The following ZYG11B variants were observed in gnomAD, a reference collection of about 807,000 sequenced individuals.
The protein encoded by ZYG11B is zyg-11 family member B, cell cycle regulator.
Under a neutral mutation model 82.4 loss-of-function variants are expected in ZYG11B, and 36 were observed. The ratio of observed to expected loss-of-function variants is 0.44; its 90% CI spans 0.33 to 0.58. The LOEUF is 0.58. ZYG11B is among the 20% of genes least tolerant of loss of function. The pLI, the probability that ZYG11B is intolerant of heterozygous loss-of-function variation, is 0.02. For synonymous variants in ZYG11B, 303 were observed against 312.8 expected (o/e 0.97, Z 0.33); for missense variants, 552 against 895.6 (o/e 0.62, Z 4.90).
At chr1:52,786,503 C>T (rs918657515) in intron 5 of ZYG11B, among the ~76,000 whole-genome samples, 12 of 152,134 alleles carry the variant, frequency 7.9e-5, no homozygotes, top group African/African-American at 2.9e-4. Context: ...AATCCCTGCA[C>T]TTTGGGAGGC....
chr1:52,780,100 A>T (rs56115016), intron 4 of ZYG11B, 107 bp downstream of exon 4: 1 of 1,080,632 alleles, frequency 9.3e-7, no homozygotes, highest in African/African-American at 1.6e-5. Flanking sequence ...TTTATTATTT[A>T]TAATGTGATT....
intron 1 of ZYG11B, among the ~76,000 whole-genome samples, chr1:52,750,714 T>A (rs925707869): frequency 6.6e-6 from 1 of 152,158 alleles, no homozygotes. Flanking sequence ...TAGAACATTT[T>A]CATCACTCCA....
At chr1:52,769,020 T>C (rs1303965109) in intron 2 of ZYG11B, among the ~76,000 whole-genome samples, 1 of 152,236 alleles carries the variant, frequency 6.6e-6, no homozygotes, top group East Asian at 1.9e-4. Context: ...TTCTTTGTTT[T>C]TGTGATACTT....
chr1:52,797,535 T>A (rs1645036596), intron 8 of ZYG11B, among the ~76,000 whole-genome samples: 1 of 116,124 alleles, frequency 8.6e-6, no homozygotes, highest in South Asian at 2.8e-4. Flanking sequence ...TTAGACAGAG[T>A]CTCGCACTGT....
intron 3 of ZYG11B, among the ~76,000 whole-genome samples, chr1:52,774,960 TGTTA>T (rs1266628384): frequency 2.0e-5 from 3 of 152,132 alleles, no homozygotes; most frequent in African/African-American, 7.2e-5. Context: ...CTAAACCCAG[TGTTA>T]GTTCTTAGTC....
At chr1:52,773,610 TA>T in intron 3 of ZYG11B, among the ~76,000 whole-genome samples, 8 of 17,056 alleles carry the variant, frequency 4.7e-4, no homozygotes, top group South Asian at 4.1e-3. Flanking sequence ...TATATATATA[TA>T]TATATATATA....
chr1:52,819,173 G>C (rs1645259594), intron 13 of ZYG11B, among the ~76,000 whole-genome samples: 2 of 152,160 alleles, frequency 1.3e-5, no homozygotes, highest in African/African-American at 4.8e-5. Context: ...ATAATTCAAT[G>C]AATGGGATGT....
chr1:52,726,688 G>C lies in ZYG11B; in HGVS notation c.30+5G>C. 6.8e-7 allele frequency: 1 copy of C among 1,478,750 alleles called. No individual in the cohort carries two copies. Among genetic ancestry groups the C allele is most frequent in the Non-Finnish European group, 8.9e-7 (1 of 1,121,284 alleles). 91.6% of individuals were successfully genotyped at this position (1,478,750 alleles called of 1,614,324 possible). A position where few individuals can be genotyped will look rare whatever the true frequency, so the allele number is the denominator to read the frequency against. ...GACCAGGCCGGCGCAGCCATGGTGA[G>C]GGAGCAAGGCCTGCCCTAGCCGCAG... is the stretch of plus-strand genomic sequence containing the variant. On this transcript the variant is annotated splice_donor_5th_base_variant and intron_variant, in intron 1 of 13. Transcript: ENST00000294353.
At chr1:52,765,472 C>G (rs949874356) in intron 2 of ZYG11B, among the ~76,000 whole-genome samples, 2 of 151,876 alleles carry the variant, frequency 1.3e-5, no homozygotes, top group Non-Finnish European at 2.9e-5. Flanking sequence ...CTCCCAATTA[C>G]AGGAATGAGC....
chr1:52,727,367 C>G (rs76982140), intron 1 of ZYG11B, among the ~76,000 whole-genome samples: 2,070 of 152,212 alleles, frequency 0.014, 56 homozygotes, highest in African/African-American at 0.048. Flanking sequence ...ATCCTGGAAG[C>G]CTATTCACCT....
In ZYG11B at chr1:52,770,095, T is replaced by A. The variant is rs866861527; in HGVS notation, c.197-925T>A. On this transcript the variant is annotated intron_variant, in intron 2 of 13. Coordinates refer to ENST00000294353, the MANE Select transcript of ZYG11B (RefSeq NM_024646.3). ...TACTATATATATATATATATATATT[T>A]TTTTTTTTTTTTCAGAGACAGGTTC... Among the ~76,000 whole-genome samples, 1,022 of 131,338 alleles carry A rather than the reference T, an allele frequency of 7.8e-3. 6 individuals carry two copies. The highest frequency in any genetic ancestry group is 0.033 in the South Asian group (145 of 4,378). The allele number at this position is 131,338 out of a possible 152,430, so 86.2% of individuals were successfully genotyped here.
intron 10 of ZYG11B, chr1:52,805,514 G>A (rs1209753371): frequency 4.4e-6 from 2 of 455,654 alleles, no homozygotes; most frequent in African/African-American, 4.0e-5. Flanking sequence ...CAGGTCATCT[G>A]AAACGGAAAG....
At chr1:52,740,565 CTTTTT>C (rs57309331) in intron 1 of ZYG11B, among the ~76,000 whole-genome samples, 4 of 124,950 alleles carry the variant, frequency 3.2e-5, no homozygotes, top group South Asian at 2.6e-4. Context: ...GTACTACCTT[CTTTTT>C]TTTTTTTTTT....
intron 1 of ZYG11B, among the ~76,000 whole-genome samples, chr1:52,727,036 G>A (rs1467283999): frequency 1.3e-5 from 2 of 151,268 alleles, no homozygotes; most frequent in Non-Finnish European, 2.9e-5. Context: ...TTCCTCTTAT[G>A]TGATTTTTAC....
intron 10 of ZYG11B, chr1:52,805,470 G>A (rs1291903482): frequency 4.4e-6 from 2 of 455,772 alleles, no homozygotes; most frequent in African/African-American, 4.0e-5. Context: ...TGTTTTTTCA[G>A]GGTTAATATG....
At chr1:52,786,036 G>A (rs1644909442) in intron 5 of ZYG11B, among the ~76,000 whole-genome samples, 1 of 152,030 alleles carries the variant, frequency 6.6e-6, no homozygotes, top group African/African-American at 2.4e-5. Flanking sequence ...CTATGTTAGA[G>A]AAACAACAAA....
Position 52,771,183 on chromosome 1 carries a change from G to A in ZYG11B, c.360G>A (p.Thr120=), listed in dbSNP as rs773212969. 29 of 1,614,076 alleles carry A rather than the reference G, an allele frequency of 1.8e-5. 1 individual carries two copies. The highest frequency in any genetic ancestry group is 4.5e-5 in the East Asian group (2 of 44,900). The change falls in exon 3 of 14, where the codon ACG becomes ACA. Residue 120 remains threonine, a synonymous_variant. Coordinates refer to ENST00000294353, the MANE Select transcript of ZYG11B (RefSeq NM_024646.3). The surrounding 1 kb of genome is among the most constrained non-coding windows in gnomAD (Gnocchi z 5.4). ...LDATGVNADI[T]ITDIISGLGS... Reference sequence around the variant, plus strand: ...CCACAGGTGTGAATGCTGATATCACGATTACAGACATTATCAGTGGGCTTG... The same window carrying A: ...CCACAGGTGTGAATGCTGATATCACAATTACAGACATTATCAGTGGGCTTG...
intron 6 of ZYG11B, among the ~76,000 whole-genome samples, chr1:52,791,571 G>C (rs1159215220): frequency 1.3e-5 from 2 of 151,820 alleles, no homozygotes; most frequent in African/African-American, 4.8e-5. Flanking sequence ...GTTTCACCAT[G>C]TTGGCCAGGC....
chr1:52,767,768 A>G (rs900161960), intron 2 of ZYG11B, among the ~76,000 whole-genome samples: 2 of 152,112 alleles, frequency 1.3e-5, no homozygotes, highest in African/African-American at 4.8e-5. Flanking sequence ...GTTGGCTTCT[A>G]CTGACACCAT....
Sources: gnomAD v4.1 joint callset for allele counts (sites outside exome capture counted in the v4.1 genomes callset) on GRCh38, gnomAD v4.1.1 for gene constraint, Gnocchi (gnomAD v3.1) non-coding constraint, MANE v1.5 for transcripts, NCBI Gene and HGNC (gene_info 2026-07-23, HGNC 2026-07-21) for gene names.